NTN4: variants seen among roughly 807,000 people sequenced by gnomAD.
NTN4 encodes netrin 4.
NTN4 carries 32 observed loss-of-function variants against 73.6 expected under a neutral mutation model. The ratio of observed to expected loss-of-function variants is 0.44; its 90% CI spans 0.33 to 0.58. NTN4 has a LOEUF of 0.58. Ranked by LOEUF, NTN4 falls within the 20% of genes least tolerant of loss-of-function variation. The probability of loss-of-function intolerance (pLI) is 0.04; values close to 1 mark genes in which losing one functional copy is unlikely to be tolerated. For synonymous variants in NTN4, 258 were observed against 287.5 expected (o/e 0.90, Z 1.04); for missense variants, 654 against 798.3 (o/e 0.82, Z 2.18).
At chr12:95,767,766 T>C (rs1409733091) in intron 2 of NTN4, among the ~76,000 whole-genome samples, 2 of 152,032 alleles carry the variant, frequency 1.3e-5, no homozygotes, top group Admixed American at 6.5e-5. Flanking sequence ...CTTGCACTGT[T>C]TTCCAGGAGG....
chr12:95,743,116 A>C (rs1324322272), intron 2 of NTN4, among the ~76,000 whole-genome samples: 1 of 152,204 alleles, frequency 6.6e-6, no homozygotes. Context: ...CACTCCAAGA[A>C]ATACAAATCT....
At chr12:95,723,680 T>G (rs1174930514) in intron 3 of NTN4, among the ~76,000 whole-genome samples, 3 of 152,004 alleles carry the variant, frequency 2.0e-5, no homozygotes, top group Non-Finnish European at 4.4e-5. Context: ...CCCGGCTAAT[T>G]TTTGTATTTT....
intron 5 of NTN4, among the ~76,000 whole-genome samples, chr12:95,708,326 C>T (rs990595492): frequency 9.3e-5 from 14 of 150,788 alleles, no homozygotes; most frequent in Admixed American, 3.3e-4. Context: ...CTTGCTCTGT[C>T]GCCCAGGCTG....
chr12:95,738,009 G>T lies in NTN4; in HGVS notation c.721C>A (p.Leu241Met), dbSNP rs1304462856. ...RQSCPCQRNDLNEEPQHFTHY... is the reference protein window; with the variant it reads ...RQSCPCQRNDMNEEPQHFTHY... ...GTAAAATGTTGAGGCTCTTCGTTCA[G>T]GTCATTTCTCTGACAGGGACAAGAC... Residue 241 changes from leucine (L) to methionine (M), a missense_variant, in exon 3 of 10, where the codon CTG becomes ATG. Transcript: ENST00000343702. 4 of 1,614,106 alleles carry T rather than the reference G, an allele frequency of 2.5e-6. No individual in the cohort carries two copies. The Admixed American group carries it at 6.7e-5, about 27-fold the overall frequency.
chr12:95,750,722 C>T (rs2078900235), intron 2 of NTN4, among the ~76,000 whole-genome samples: 1 of 152,154 alleles, frequency 6.6e-6, no homozygotes, highest in African/African-American at 2.4e-5. Context: ...TCTTTCTAAT[C>T]TTCATTTTCT....
intron 9 of NTN4, 115 bp downstream of exon 9, chr12:95,665,695 G>T: frequency 1.4e-6 from 1 of 737,644 alleles, no homozygotes; most frequent in Admixed American, 3.0e-5. Context: ...GTCAGATGGT[G>T]AAAGGGAGAG....
intron 5 of NTN4, among the ~76,000 whole-genome samples, chr12:95,698,972 T>C (rs550274276): frequency 4.6e-5 from 7 of 151,938 alleles, no homozygotes; most frequent in Middle Eastern, 3.4e-3. Context: ...TTATGACATA[T>C]CTATTTTCTC....
At chr12:95,665,051 G>A (rs1017410846) in intron 9 of NTN4, among the ~76,000 whole-genome samples, 1 of 152,050 alleles carries the variant, frequency 6.6e-6, no homozygotes, top group African/African-American at 2.4e-5. Flanking sequence ...CATTATCTGG[G>A]TACTAATGGT....
At chr12:95,767,635 C>A (rs1302568845) in intron 2 of NTN4, among the ~76,000 whole-genome samples, 1 of 152,188 alleles carries the variant, frequency 6.6e-6, no homozygotes, top group Non-Finnish European at 1.5e-5. Flanking sequence ...ACTCCCCATG[C>A]AACGAACTCA....
chr12:95,785,195 C>G (rs1352631499), intron 2 of NTN4, among the ~76,000 whole-genome samples: 2 of 152,156 alleles, frequency 1.3e-5, no homozygotes, highest in Non-Finnish European at 1.5e-5. Context: ...AATGAGCATG[C>G]CTGCCATCTG....
At chr12:95,694,944 A>G (rs1024818863) in intron 5 of NTN4, among the ~76,000 whole-genome samples, 1 of 152,164 alleles carries the variant, frequency 6.6e-6, no homozygotes, top group African/African-American at 2.4e-5. Context: ...TCTGGTCATC[A>G]TGGTGAAACC....
Position 95,659,117 on chromosome 12 carries a change from A to G in NTN4, c.1856T>C (p.Val619Ala). Residue 619 changes from valine to alanine, a missense_variant, in exon 10 of 10, where the codon GTC becomes GCC. Physicochemically the swap from Val to Ala is moderately conservative, Grantham distance 64 (BLOSUM62 0). Coordinates refer to ENST00000343702, the MANE Select transcript of NTN4 (RefSeq NM_021229.4). The part of the protein sequence containing the change: ...QHWKPSLGRK[V>A]MDILKRECK ...GCACTCTCTTTTTAAAATATCCATGACTTTTCTTCCAAGAGAAGGTTTCCA... is the reference window on the plus strand; with the variant it reads ...GCACTCTCTTTTTAAAATATCCATGGCTTTTCTTCCAAGAGAAGGTTTCCA... 6.2e-7 allele frequency: 1 copy of G among 1,613,414 alleles called. No homozygotes were observed. Among genetic ancestry groups the G allele is most frequent in the Non-Finnish European group, 8.5e-7 (1 of 1,179,818 alleles).
At chr12:95,779,494 C>A (rs1443228765) in intron 2 of NTN4, among the ~76,000 whole-genome samples, 4 of 152,234 alleles carry the variant, frequency 2.6e-5, no homozygotes, top group Non-Finnish European at 4.4e-5. Flanking sequence ...AAATCGCAAG[C>A]ATTCTTATAC....
intron 2 of NTN4, among the ~76,000 whole-genome samples, chr12:95,745,106 T>A (rs1330205262): frequency 6.6e-6 from 1 of 152,144 alleles, no homozygotes; most frequent in South Asian, 2.1e-4. Flanking sequence ...TTTTAAACAA[T>A]TTGATTGTTA....
At chr12:95,661,747 A>G (rs1034381296) in intron 9 of NTN4, among the ~76,000 whole-genome samples, 7 of 152,232 alleles carry the variant, frequency 4.6e-5, no homozygotes, top group African/African-American at 1.4e-4. Context: ...AAACACCACC[A>G]TAAATGAACC....
rs1176690025 is a variant in NTN4 at position 95,778,200 on chromosome 12, A to G, written c.585+8739T>C. On this transcript the variant is annotated intron_variant, in intron 2 of 9. Transcript: ENST00000343702. ...AATTTATAGCACTAAATGCCCACAA[A>G]AGAAAGCAGGAAATATCTAAAATTG... 2.0e-5 allele frequency among the ~76,000 whole-genome samples: 3 copies of G among 152,172 alleles called. No homozygotes were observed. In the East Asian group the frequency reaches 5.8e-4, roughly 29 times the overall value.
Position 95,658,000 on chromosome 12 carries a change from CAGA to C in NTN4, c.*1083_*1085del, listed in dbSNP as rs1390164469. The C allele has an allele frequency of 3.3e-5, 5 of 152,474 alleles. No homozygotes were observed. The highest frequency in any genetic ancestry group is 2.6e-4 in the Admixed American group (4 of 15,260). 9.4% of individuals were successfully genotyped at this position (152,474 alleles called of 1,614,324 possible). The stretch of plus-strand genomic sequence containing the variant: ...TATGTATAGTGGTTATGCGTGGGTA[CAGA>C]AGATGAATAATAATGAAAAACTGTG... On this transcript the variant is annotated 3_prime_UTR_variant, in exon 10 of 10. Coordinates refer to ENST00000343702, the MANE Select transcript of NTN4 (RefSeq NM_021229.4).
intron 2 of NTN4, among the ~76,000 whole-genome samples, chr12:95,746,631 A>C (rs180716780): frequency 1.4e-3 from 216 of 152,304 alleles, no homozygotes; most frequent in Middle Eastern, 3.4e-3. Flanking sequence ...GAGAAGGACT[A>C]TCTGCAAATC....
intron 4 of NTN4, among the ~76,000 whole-genome samples, chr12:95,711,195 T>C (rs1467612200): frequency 6.6e-6 from 1 of 152,122 alleles, no homozygotes; most frequent in African/African-American, 2.4e-5. Flanking sequence ...AGCCTTCCAG[T>C]TTTTCATTAT....
Sources: gnomAD v4.1 joint callset for allele counts (sites outside exome capture counted in the v4.1 genomes callset) on GRCh38, gnomAD v4.1.1 for gene constraint, MANE v1.5 for transcripts, NCBI Gene and HGNC (gene_info 2026-07-23, HGNC 2026-07-21) for gene names.